Variants in ADAM10 observed in about 807,000 individuals in gnomAD.
ADAM10 encodes the protein disintegrin and metalloproteinase domain-containing protein 10.
ADAM10 carries 17 observed loss-of-function variants against 90.1 expected under a neutral mutation model. The ratio of observed to expected loss-of-function variants is 0.19; its 90% CI spans 0.13 to 0.28. The LOEUF is 0.28. Ranked by LOEUF, ADAM10 falls within the 10% of genes least tolerant of loss-of-function variation. The probability of loss-of-function intolerance (pLI) is 1.00; values close to 1 mark genes in which losing one functional copy is unlikely to be tolerated. For synonymous variants in ADAM10, 310 were observed against 298.6 expected (o/e 1.04, Z -0.40); for missense variants, 610 against 914.3 (o/e 0.67, Z 4.29).
At chr15:58,609,869 T>C (rs1435192506) in intron 14 of ADAM10, 1 of 220,852 alleles carries the variant, frequency 4.5e-6, no homozygotes, top group African/African-American at 2.3e-5. Flanking sequence ...CTGTTCAACA[T>C]TTCCTATTAC....
At chr15:58,748,987 G>C (rs1360628736) in intron 1 of ADAM10, 2 of 399,172 alleles carry the variant, frequency 5.0e-6, no homozygotes, top group Non-Finnish European at 8.8e-6. Flanking sequence ...GAGTCTGCGC[G>C]GCGGGTCTCG....
chr15:58,725,231 A>C (rs1254680226), intron 1 of ADAM10, among the ~76,000 whole-genome samples: 1 of 152,024 alleles, frequency 6.6e-6, no homozygotes. Flanking sequence ...TATTATATGA[A>C]TATAAAAAAT....
At position 58,590,791 on chromosome 15, in the gene ADAM10, T is replaced by C. The variant is rs1436685220; in HGVS notation, c.*6756A>G. The C allele has an allele frequency of 6.6e-6, 1 of 152,230 alleles. No individual in the cohort carries two copies. The highest frequency in any genetic ancestry group is 2.4e-5 in the African/African-American group (1 of 41,466). 9.4% of individuals were successfully genotyped at this position (152,230 alleles called of 1,614,324 possible). On this transcript the variant is annotated 3_prime_UTR_variant, in exon 16 of 16. Transcript: ENST00000260408. ...AAATAAAGAATAAAATTGCTTAATG[T>C]GTTCAGTATAACCACATAGCCTTCA...
intron 14 of ADAM10, among the ~76,000 whole-genome samples, chr15:58,605,750 A>AT (rs1229436917): frequency 6.6e-6 from 1 of 152,210 alleles, no homozygotes; most frequent in Admixed American, 6.5e-5. Context: ...AAACTCAAGA[A>AT]GTTTCTCAAC....
intron 2 of ADAM10, among the ~76,000 whole-genome samples, chr15:58,701,074 T>C (rs779315687): frequency 1.6e-4 from 12 of 75,414 alleles, no homozygotes; most frequent in Admixed American, 2.3e-4. Context: ...CAAAAAACAA[T>C]AGGAAGGATA....
chr15:58,611,602 A>C, intron 12 of ADAM10: 1 of 561,380 alleles, frequency 1.8e-6, no homozygotes, highest in Non-Finnish European at 3.1e-6. Context: ...TCTCTAGAGA[A>C]TATCAACCAC....
chr15:58,679,671 G>A (rs910275144), intron 3 of ADAM10, among the ~76,000 whole-genome samples: 8 of 152,118 alleles, frequency 5.3e-5, no homozygotes, highest in Admixed American at 2.6e-4. Context: ...TTGGGGGGCC[G>A]AGGTGGGCAG....
chr15:58,642,333 T>G (rs1435447011), intron 7 of ADAM10, among the ~76,000 whole-genome samples: 5 of 151,720 alleles, frequency 3.3e-5, no homozygotes, highest in African/African-American at 1.2e-4. Context: ...GGCATGACAG[T>G]GGACGCCTGT....
intron 2 of ADAM10, among the ~76,000 whole-genome samples, chr15:58,689,414 A>C (rs1679559826): frequency 6.6e-6 from 1 of 152,168 alleles, no homozygotes; most frequent in Non-Finnish European, 1.5e-5. Flanking sequence ...TGAACCCAGG[A>C]GGCAGAGGTT....
chr15:58,610,171 T>G, intron 14 of ADAM10, 126 bp downstream of exon 14: 1 of 795,814 alleles, frequency 1.3e-6, no homozygotes, highest in Non-Finnish European at 2.1e-6. Context: ...ACTTTAAAAA[T>G]CTTCATATAA....
intron 1 of ADAM10, among the ~76,000 whole-genome samples, chr15:58,727,771 G>T (rs573171604): frequency 6.6e-6 from 1 of 152,050 alleles, no homozygotes; most frequent in Admixed American, 6.6e-5. Flanking sequence ...AGTAATAGCT[G>T]AAAAAACAAA....
intron 11 of ADAM10, among the ~76,000 whole-genome samples, chr15:58,614,192 C>A (rs1458186378): frequency 6.6e-6 from 1 of 151,558 alleles, no homozygotes; most frequent in Non-Finnish European, 1.5e-5. Context: ...GGTTGAGGCA[C>A]AAGAATCACT....
At chr15:58,677,069 A>C (rs1174346823) in intron 4 of ADAM10, among the ~76,000 whole-genome samples, 2 of 152,216 alleles carry the variant, frequency 1.3e-5, no homozygotes, top group African/African-American at 4.8e-5. Flanking sequence ...GTCTTAAACC[A>C]TGGTTCACTT....
intron 8 of ADAM10, among the ~76,000 whole-genome samples, chr15:58,639,542 G>A (rs1218711844): frequency 6.6e-6 from 1 of 152,198 alleles, no homozygotes; most frequent in Non-Finnish European, 1.5e-5. Context: ...ATAGGAAAGA[G>A]TGAGCTGTAC....
chr15:58,699,964 C>T (rs1898084810), intron 2 of ADAM10, among the ~76,000 whole-genome samples: 1 of 152,076 alleles, frequency 6.6e-6, no homozygotes, highest in South Asian at 2.1e-4. Flanking sequence ...GGAAACTCAT[C>T]TTACCTGTAA....
chr15:58,740,105 CTT>C (rs1261735691), intron 1 of ADAM10, among the ~76,000 whole-genome samples: 2 of 151,840 alleles, frequency 1.3e-5, no homozygotes, highest in Non-Finnish European at 2.9e-5. Flanking sequence ...AACTATAAAG[CTT>C]GAAATAAAGA....
chr15:58,615,557 C>T (rs1544907), intron 11 of ADAM10, among the ~76,000 whole-genome samples: 1,820 of 152,256 alleles, frequency 0.012, 43 homozygotes, highest in African/African-American at 0.042. Flanking sequence ...ACACATGACA[C>T]ATCCACCTAT....
chr15:58,651,317 C>A (rs913018610), intron 5 of ADAM10, among the ~76,000 whole-genome samples: 3 of 151,952 alleles, frequency 2.0e-5, no homozygotes, highest in Non-Finnish European at 4.4e-5. Flanking sequence ...ACTATAGTTG[C>A]CCTGCTGTGC....
chr15:58,703,877 ACTT>A (rs1255170958), intron 2 of ADAM10: 1 of 152,694 alleles, frequency 6.5e-6, no homozygotes, highest in African/African-American at 2.4e-5. Flanking sequence ...AGGCAACTAA[ACTT>A]CTTTTCTTTA....
Sources: allele counts gnomAD v4.1 joint callset (sites outside exome capture counted in the v4.1 genomes callset), GRCh38; gene constraint gnomAD v4.1.1; transcripts MANE v1.5; gene names NCBI Gene and HGNC (gene_info 2026-07-23, HGNC 2026-07-21).